Variants in ADGRB3 observed in about 807,000 individuals in gnomAD.
ADGRB3 encodes the protein adhesion G protein-coupled receptor B3.
In ADGRB3, 37 loss-of-function variants were observed where a neutral mutation model predicts 193.4. The observed-to-expected ratio is 0.19, with a 90% CI of 0.15 to 0.25. ADGRB3 has a LOEUF of 0.25. Among genes scored for constraint, ADGRB3 ranks in the 10% least tolerant of loss-of-function variants. The probability of loss-of-function intolerance (pLI) is 1.00; values close to 1 mark genes in which losing one functional copy is unlikely to be tolerated. For synonymous variants in ADGRB3, 690 were observed against 644.2 expected (o/e 1.07, Z -1.08); for missense variants, 1,637 against 1,852.9 (o/e 0.88, Z 2.14).
intron 29 of ADGRB3, among the ~76,000 whole-genome samples, chr6:69,369,931 G>C (rs2127338944): frequency 6.6e-6 from 1 of 152,130 alleles, no homozygotes; most frequent in Middle Eastern, 3.4e-3. Flanking sequence ...TTTATGCTTA[G>C]AAAGTCAGAC....
intron 17 of ADGRB3, among the ~76,000 whole-genome samples, chr6:69,182,783 A>G (rs62406817): frequency 0.14 from 21,432 of 152,070 alleles, 1,550 homozygotes; most frequent in Middle Eastern, 0.16. Flanking sequence ...GCATTTGTCA[A>G]TTTCCATGGT....
At chr6:68,944,234 T>G (rs894915096) in intron 6 of ADGRB3, among the ~76,000 whole-genome samples, 1 of 152,220 alleles carries the variant, frequency 6.6e-6, no homozygotes, top group Non-Finnish European at 1.5e-5. Context: ...ATGTGTATAT[T>G]AATATTTTTC....
intron 3 of ADGRB3, among the ~76,000 whole-genome samples, chr6:68,902,236 T>C (rs1582299732): frequency 6.6e-6 from 1 of 152,140 alleles, no homozygotes; most frequent in Admixed American, 6.5e-5. Context: ...ACTATTTTAT[T>C]CAATGAAAAT....
At chr6:69,199,141 C>A (rs1326951307) in intron 17 of ADGRB3, among the ~76,000 whole-genome samples, 1 of 152,138 alleles carries the variant, frequency 6.6e-6, no homozygotes, top group African/African-American at 2.4e-5. Flanking sequence ...TAAACTTACT[C>A]TGAAAACTTT....
intron 3 of ADGRB3, among the ~76,000 whole-genome samples, chr6:68,815,066 G>A (rs1433689223): frequency 6.6e-6 from 1 of 152,088 alleles, no homozygotes; most frequent in Non-Finnish European, 1.5e-5. Context: ...CATTCCCCTT[G>A]AAAACTGACA....
At chr6:69,221,154 T>A (rs1357202805) in intron 17 of ADGRB3, among the ~76,000 whole-genome samples, 1 of 152,160 alleles carries the variant, frequency 6.6e-6, no homozygotes, top group Non-Finnish European at 1.5e-5. Flanking sequence ...AATTTCCTAT[T>A]CTTTAAATTA....
intron 15 of ADGRB3, among the ~76,000 whole-genome samples, chr6:69,049,992 CT>C (rs1771345348): frequency 6.6e-6 from 1 of 152,158 alleles, no homozygotes; most frequent in Admixed American, 6.5e-5. Context: ...TTCACATCTA[CT>C]TGGATTGTGA....
chr6:69,071,809 G>C (rs7453486), intron 16 of ADGRB3, among the ~76,000 whole-genome samples: 4,692 of 152,052 alleles, frequency 0.031, 141 homozygotes, highest in East Asian at 0.095. Context: ...TACTGCATTT[G>C]TTAAAACTAC....
intron 17 of ADGRB3, among the ~76,000 whole-genome samples, chr6:69,106,190 A>G (rs1048914018): frequency 6.7e-6 from 1 of 149,580 alleles, no homozygotes; most frequent in African/African-American, 2.4e-5. Flanking sequence ...AAAAGAAAAG[A>G]AAAGAAAAAA....
intron 16 of ADGRB3, among the ~76,000 whole-genome samples, chr6:69,063,431 A>G (rs939694983): frequency 1.3e-5 from 2 of 152,082 alleles, no homozygotes; most frequent in Non-Finnish European, 2.9e-5. Context: ...CTTACATGGT[A>G]GTATACAATT....
chr6:69,318,408 C>T (rs1768365337), intron 20 of ADGRB3, among the ~76,000 whole-genome samples: 1 of 151,002 alleles, frequency 6.6e-6, no homozygotes, highest in African/African-American at 2.4e-5. Flanking sequence ...GTTGAGTCAC[C>T]CTGCATTACT....
At chr6:68,677,898 TG>T (rs1273495338) in intron 3 of ADGRB3, among the ~76,000 whole-genome samples, 1 of 152,184 alleles carries the variant, frequency 6.6e-6, no homozygotes, top group Admixed American at 6.5e-5. Flanking sequence ...TATGATCAAG[TG>T]GGTGCTACAT....
intron 3 of ADGRB3, among the ~76,000 whole-genome samples, chr6:68,807,228 C>CTTTTTTTTTTTTTTTTTTTTTTTT: frequency 1.1e-5 from 1 of 94,670 alleles, no homozygotes; most frequent in African/African-American, 4.1e-5. Context: ...TTTCTTTTTT[C>CTTTTTTTTTTTTTTTTTTTTTTTT]TTTTTTCTTT....
intron 17 of ADGRB3, among the ~76,000 whole-genome samples, chr6:69,091,394 G>A (rs961705781): frequency 3.3e-5 from 5 of 152,152 alleles, no homozygotes; most frequent in African/African-American, 9.7e-5. Flanking sequence ...CAGCCAAAGT[G>A]CCCATCAGTG....
intron 20 of ADGRB3, among the ~76,000 whole-genome samples, chr6:69,320,283 T>A (rs1258737020): frequency 3.3e-5 from 5 of 151,428 alleles, no homozygotes; most frequent in African/African-American, 1.2e-4. Context: ...ATTTTTAAAA[T>A]TATATAAATT....
intron 10 of ADGRB3, among the ~76,000 whole-genome samples, chr6:68,985,128 T>C (rs1769032946): frequency 6.6e-6 from 1 of 152,156 alleles, no homozygotes; most frequent in African/African-American, 2.4e-5. Flanking sequence ...TTATGATTTT[T>C]CTCCAACAAA....
chr6:68,799,021 G>A (rs1464813393), intron 3 of ADGRB3, among the ~76,000 whole-genome samples: 1 of 151,990 alleles, frequency 6.6e-6, no homozygotes, highest in Non-Finnish European at 1.5e-5. Context: ...GACAGTGAAA[G>A]GTTTAAAGGA....
chr6:68,965,807 C>A (rs1562103019), intron 8 of ADGRB3, among the ~76,000 whole-genome samples: 1 of 152,136 alleles, frequency 6.6e-6, no homozygotes, highest in African/African-American at 2.4e-5. Context: ...AAGAGAGAAT[C>A]CTTCCTATTG....
chr6:69,178,093 G>A (rs1387327362), intron 17 of ADGRB3, among the ~76,000 whole-genome samples: 2 of 152,126 alleles, frequency 1.3e-5, no homozygotes, highest in South Asian at 4.1e-4. Flanking sequence ...AGAAGTACTT[G>A]TTTTATGAAT....
Sources: allele counts gnomAD v4.1 joint callset (sites outside exome capture counted in the v4.1 genomes callset), GRCh38; gene constraint gnomAD v4.1.1; transcripts MANE v1.5; gene names NCBI Gene and HGNC (gene_info 2026-07-23, HGNC 2026-07-21).